Variants in UBE2E2 observed in about 807,000 individuals in gnomAD.
The protein encoded by UBE2E2 is ubiquitin conjugating enzyme E2 E2.
UBE2E2 carries 6 observed loss-of-function variants against 24.7 expected under a neutral mutation model. That is an observed-to-expected ratio of 0.24 (90% CI 0.13 to 0.48). UBE2E2 has a LOEUF of 0.48. Ranked by LOEUF, UBE2E2 falls within the 20% of genes least tolerant of loss-of-function variation. UBE2E2 has a pLI of 0.99. For missense variants in UBE2E2, 169 were observed against 245.0 expected (o/e 0.69, Z 2.07); for synonymous variants, 104 against 83.6 (o/e 1.24, Z -1.33).
At chr3:23,353,843 A>G (rs1186093261) in intron 3 of UBE2E2, among the ~76,000 whole-genome samples, 1 of 152,196 alleles carries the variant, frequency 6.6e-6, no homozygotes. Flanking sequence ...TGCCATCCCC[A>G]TCAAGCTACC....
intron 4 of UBE2E2, among the ~76,000 whole-genome samples, chr3:23,506,829 C>G (rs536229143): frequency 6.6e-6 from 1 of 152,220 alleles, no homozygotes; most frequent in East Asian, 1.9e-4. Context: ...AATGGGGTTT[C>G]GCCATGTTGC....
intron 3 of UBE2E2, among the ~76,000 whole-genome samples, chr3:23,411,577 G>A (rs1697498130): frequency 6.6e-6 from 1 of 152,074 alleles, no homozygotes; most frequent in Non-Finnish European, 1.5e-5. Context: ...ATTTATATGT[G>A]CTAAATTAAA....
intron 4 of UBE2E2, among the ~76,000 whole-genome samples, chr3:23,503,429 G>A (rs1043514011): frequency 2.6e-5 from 4 of 151,900 alleles, no homozygotes; most frequent in Non-Finnish European, 5.9e-5. Context: ...GACCTCAGGT[G>A]ATCCACCTGC....
In UBE2E2 at chr3:23,583,451, T is replaced by G. The variant is rs1325183273; in HGVS notation, c.509-6283T>G. Among the ~76,000 whole-genome samples, 1 of 152,216 alleles carries G rather than the reference T, an allele frequency of 6.6e-6. No homozygotes were observed. Among genetic ancestry groups the G allele is most frequent in the Non-Finnish European group, 1.5e-5 (1 of 68,034 alleles). ...CCATATGAATTTTAAAATAGTTTTTTCTAGTTCTGTGAAGAATGTCATTGG... is the reference window on the plus strand; with the variant it reads ...CCATATGAATTTTAAAATAGTTTTTGCTAGTTCTGTGAAGAATGTCATTGG... On this transcript the variant is annotated intron_variant, in intron 5 of 5. Transcript: ENST00000396703. This position sits in a 1 kb window ranked among gnomAD's most constrained non-coding sequence, Gnocchi z 4.1.
chr3:23,584,129 A>G (rs1300531370), intron 5 of UBE2E2, among the ~76,000 whole-genome samples: 1 of 152,088 alleles, frequency 6.6e-6, no homozygotes, highest in African/African-American at 2.4e-5. Flanking sequence ...TAACATGATG[A>G]TATGTTGAAT....
chr3:23,515,950 C>T (rs971899687), intron 4 of UBE2E2, among the ~76,000 whole-genome samples: 2 of 152,106 alleles, frequency 1.3e-5, no homozygotes, highest in Admixed American at 1.3e-4. Flanking sequence ...GCCTGGGCAA[C>T]AGAGGGAGAC....
intron 3 of UBE2E2, among the ~76,000 whole-genome samples, chr3:23,431,226 T>C (rs1451210872): frequency 1.3e-5 from 2 of 152,184 alleles, no homozygotes; most frequent in Admixed American, 6.5e-5. Context: ...CACTTTGCTA[T>C]TTTGAGCCTT....
intron 3 of UBE2E2, chr3:23,449,980 C>T (rs756374066): frequency 5.7e-4 from 540 of 953,738 alleles, no homozygotes; most frequent in Non-Finnish European, 6.6e-4. Flanking sequence ...CCCACTGCTA[C>T]CCTGCCACGT....
chr3:23,210,227 G>A (rs1696283667), intron 2 of UBE2E2, among the ~76,000 whole-genome samples: 1 of 152,150 alleles, frequency 6.6e-6, no homozygotes, highest in Admixed American at 6.5e-5. Context: ...CGCAGATGAG[G>A]AAGATCTAAT....
intron 3 of UBE2E2, among the ~76,000 whole-genome samples, chr3:23,230,322 C>T (rs1696939911): frequency 6.6e-6 from 1 of 152,140 alleles, no homozygotes. Flanking sequence ...AGGACTTCCT[C>T]AAGGATGTGG....
chr3:23,268,475 C>T (rs1330284002), intron 3 of UBE2E2, among the ~76,000 whole-genome samples: 6 of 151,498 alleles, frequency 4.0e-5, no homozygotes, highest in South Asian at 2.1e-4. Context: ...GAAAAAAATA[C>T]CTAGGAATCC....
chr3:23,420,214 A>G (rs1273544672), intron 3 of UBE2E2, among the ~76,000 whole-genome samples: 1 of 152,200 alleles, frequency 6.6e-6, no homozygotes, highest in Non-Finnish European at 1.5e-5. Context: ...ACTTGTAGCC[A>G]TCATAGCATC....
intron 1 of UBE2E2, among the ~76,000 whole-genome samples, chr3:23,206,851 G>T (rs903682853): frequency 6.6e-6 from 1 of 152,070 alleles, no homozygotes; most frequent in Non-Finnish European, 1.5e-5. Flanking sequence ...AAAAAATTTT[G>T]CTTTATTTGA....
chr3:23,443,644 C>A (rs191411257), intron 3 of UBE2E2, among the ~76,000 whole-genome samples: 86 of 152,274 alleles, frequency 5.6e-4, no homozygotes, highest in African/African-American at 2.0e-3. Context: ...AACTGCCCCC[C>A]GAGGCATGAG....
At chr3:23,421,473 C>T (rs1697795676) in intron 3 of UBE2E2, among the ~76,000 whole-genome samples, 1 of 152,234 alleles carries the variant, frequency 6.6e-6, no homozygotes, top group African/African-American at 2.4e-5. Context: ...AGAACTGGAT[C>T]TCAGCTCACT....
At chr3:23,229,117 G>T (rs1696907114) in intron 3 of UBE2E2, among the ~76,000 whole-genome samples, 1 of 152,080 alleles carries the variant, frequency 6.6e-6, no homozygotes. Flanking sequence ...CTGCATTTCA[G>T]GTAGCATTCA....
intron 3 of UBE2E2, among the ~76,000 whole-genome samples, chr3:23,276,947 AT>A (rs1016625272): frequency 2.7e-5 from 4 of 150,938 alleles, no homozygotes; most frequent in Non-Finnish European, 4.5e-5. Flanking sequence ...TTTTTCTCTC[AT>A]TCTTTAAAAA....
chr3:23,518,134 G>A (rs1388581972), intron 4 of UBE2E2, among the ~76,000 whole-genome samples: 1 of 152,070 alleles, frequency 6.6e-6, no homozygotes, highest in African/African-American at 2.4e-5. Flanking sequence ...TATTGGAGGG[G>A]AAAAGATAAA....
chr3:23,349,147 G>A (rs1271352712), intron 3 of UBE2E2, among the ~76,000 whole-genome samples: 1 of 152,182 alleles, frequency 6.6e-6, no homozygotes, highest in African/African-American at 2.4e-5. Flanking sequence ...CAGCTTGCCT[G>A]CTGACCAAGT....
Sources: allele counts gnomAD v4.1 joint callset (sites outside exome capture counted in the v4.1 genomes callset), GRCh38; gene constraint gnomAD v4.1.1; non-coding constraint Gnocchi (gnomAD v3.1); transcripts MANE v1.5; gene names NCBI Gene and HGNC (gene_info 2026-07-23, HGNC 2026-07-21).